The following AQR variants were observed in gnomAD, a reference collection of about 807,000 sequenced individuals.
AQR encodes RNA helicase aquarius.
Under a neutral mutation model 180.5 loss-of-function variants are expected in AQR, and 61 were observed. The ratio of observed to expected loss-of-function variants is 0.34; its 90% CI spans 0.28 to 0.42. The LOEUF (loss-of-function observed/expected upper bound fraction) is 0.42. Among genes scored for constraint, AQR ranks in the 10% least tolerant of loss-of-function variants. AQR has a pLI of 1.00. For missense variants in AQR, 1,281 were observed against 1,798.3 expected (o/e 0.71, Z 5.20); for synonymous variants, 551 against 588.8 (o/e 0.94, Z 0.93).
At chr15:34,957,824 A>G (rs1894346310) in intron 3 of AQR, among the ~76,000 whole-genome samples, 1 of 151,834 alleles carries the variant, frequency 6.6e-6, no homozygotes, top group South Asian at 2.1e-4. Flanking sequence ...AATAATAATA[A>G]AAAACGTGTC....
chr15:34,898,129 C>G (rs577409150), intron 20 of AQR, among the ~76,000 whole-genome samples: 1 of 152,236 alleles, frequency 6.6e-6, no homozygotes, highest in South Asian at 2.1e-4. Flanking sequence ...CAAGTACAAG[C>G]AGCGTATTTC....
At chr15:34,905,968 A>G (rs7184006) in intron 18 of AQR, among the ~76,000 whole-genome samples, 5,177 of 152,136 alleles carry the variant, frequency 0.034, 319 homozygotes, top group African/African-American at 0.12. Flanking sequence ...TGGGAGGCAG[A>G]GGTTGCAGTG....
At position 34,882,509 on chromosome 15, in the gene AQR, C is replaced by G; in HGVS notation, c.3158G>C (p.Gly1053Ala). 1 of 1,545,128 alleles carries G rather than the reference C, an allele frequency of 6.5e-7. No individual in the cohort carries two copies. The highest frequency in any genetic ancestry group is 8.7e-7 in the Non-Finnish European group (1 of 1,148,122). The change falls in exon 27 of 35, where the codon GGT (glycine) becomes GCT (alanine). Residue 1053 changes from glycine (G) to alanine (A), a missense_variant. By Grantham distance (60) the Gly-to-Ala change is moderately conservative. Coordinates refer to ENST00000156471, the MANE Select transcript of AQR (RefSeq NM_014691.3). The part of the protein sequence containing the change: ...ALKRHDLVKL[G>A]FKYDNILMEE... ...ACTACCATAAGTCTTTACCTTGAAA[C>G]CTAGCTTGACCAAGTCATGTCGTTT...
chr15:34,899,561 G>T (rs1445857702), intron 20 of AQR, among the ~76,000 whole-genome samples: 1 of 151,010 alleles, frequency 6.6e-6, no homozygotes, highest in South Asian at 2.1e-4. Flanking sequence ...TTTTAATAGA[G>T]ATGAGGTCTC....
At chr15:34,900,975 C>T (rs534126227) in intron 19 of AQR, 112 bp from the exon 20 acceptor site, 1 of 1,404,034 alleles carries the variant, frequency 7.1e-7, no homozygotes, top group Non-Finnish European at 9.5e-7. Flanking sequence ...TGTTTCAGAG[C>T]AAGAAGCTAT....
intron 27 of AQR, among the ~76,000 whole-genome samples, chr15:34,877,322 T>C (rs190601131): frequency 1.7e-3 from 260 of 152,326 alleles, no homozygotes; most frequent in African/African-American, 6.0e-3. Context: ...TTGCTTTCTG[T>C]TTTTAAAGAT....
chr15:34,868,136 GC>G (rs1892764486), intron 31 of AQR: 1 of 152,972 alleles, frequency 6.5e-6, no homozygotes, highest in African/African-American at 2.4e-5. Flanking sequence ...TTAAAGACCA[GC>G]CTGGGCAATG....
chr15:34,925,213 T>C (rs891914947), intron 13 of AQR, among the ~76,000 whole-genome samples: 2 of 150,686 alleles, frequency 1.3e-5, no homozygotes, highest in African/African-American at 4.9e-5. Context: ...CAAAGGAAAA[T>C]AAGAAGGTTA....
chr15:34,925,607 G>A (rs1233462684), intron 13 of AQR, among the ~76,000 whole-genome samples: 11 of 152,142 alleles, frequency 7.2e-5, no homozygotes, highest in Admixed American at 2.0e-4. Context: ...TTGGGAGGCC[G>A]AGGCAGGATC....
chr15:34,952,820 C>T (rs368861455), intron 4 of AQR, 65 bp downstream of exon 4: 6 of 1,150,150 alleles, frequency 5.2e-6, no homozygotes, highest in African/African-American at 1.6e-5. Context: ...AGAAATAACA[C>T]AGAAAATTTA....
intron 20 of AQR, among the ~76,000 whole-genome samples, chr15:34,898,367 T>TA (rs906628441): frequency 3.9e-5 from 6 of 152,148 alleles, no homozygotes; most frequent in Admixed American, 1.3e-4. Context: ...TTTCACATTC[T>TA]AAAAAAATAG....
At chr15:34,861,773 T>C (rs527939478) in intron 33 of AQR, among the ~76,000 whole-genome samples, 174 of 152,308 alleles carry the variant, frequency 1.1e-3, no homozygotes, top group Middle Eastern at 3.4e-3. Flanking sequence ...CATTTTCCTA[T>C]TTCTCCACAG....
intron 27 of AQR, among the ~76,000 whole-genome samples, chr15:34,879,566 T>G (rs1412964116): frequency 6.6e-6 from 1 of 152,238 alleles, no homozygotes; most frequent in Non-Finnish European, 1.5e-5. Flanking sequence ...GACATAGATT[T>G]GAGCTTGACT....
chr15:34,898,893 C>T (rs1329644205), intron 20 of AQR, among the ~76,000 whole-genome samples: 5 of 140,762 alleles, frequency 3.6e-5, no homozygotes, highest in African/African-American at 5.4e-5. Context: ...CTTGGCCGGG[C>T]GCGGTGGCTC....
intron 2 of AQR, among the ~76,000 whole-genome samples, chr15:34,961,421 C>G (rs1188306224): frequency 6.6e-6 from 1 of 151,826 alleles, no homozygotes; most frequent in Non-Finnish European, 1.5e-5. Flanking sequence ...ACCATCCTGG[C>G]CAACATGGTG....
At chr15:34,900,892 T>G (rs768407377) in intron 19 of AQR, 29 bp from the exon 20 acceptor site, 43 of 1,558,092 alleles carry the variant, frequency 2.8e-5, no homozygotes, top group Non-Finnish European at 3.7e-5. Flanking sequence ...AAAAAGATTG[T>G]GTCAGTATGA....
At position 34,897,541 on chromosome 15, in the gene AQR, A is replaced by C. The variant is rs775993054; in HGVS notation, c.2390+18T>G. ...AACTATTGTTCATCATTACAATTAT[A>C]ATAGGTAGTAAAATTACCGTTTGGG... On this transcript the variant is annotated intron_variant, in intron 21 of 34. Transcript: ENST00000156471. The C allele has an allele frequency of 1.9e-6, 3 of 1,612,050 alleles. No homozygotes were observed. The highest frequency in any genetic ancestry group is 2.5e-6 in the Non-Finnish European group (3 of 1,178,302).
chr15:34,926,624 A>G (rs905203676), intron 13 of AQR, among the ~76,000 whole-genome samples: 2 of 152,252 alleles, frequency 1.3e-5, no homozygotes, highest in African/African-American at 4.8e-5. Flanking sequence ...TCAAAAGGAT[A>G]TATTAGCAGA....
chr15:34,952,744 T>C, intron 4 of AQR, 141 bp downstream of exon 4: 2 of 639,420 alleles, frequency 3.1e-6, no homozygotes, highest in Non-Finnish European at 2.8e-6. Flanking sequence ...ATCATATACA[T>C]ATTCCAAAAT....
Sources: gnomAD v4.1 joint callset for allele counts (sites outside exome capture counted in the v4.1 genomes callset) on GRCh38, gnomAD v4.1.1 for gene constraint, MANE v1.5 for transcripts, NCBI Gene and HGNC (gene_info 2026-07-23, HGNC 2026-07-21) for gene names.